ZAP70: variants seen among roughly 807,000 people sequenced by gnomAD.
The protein encoded by ZAP70 is zeta chain of T cell receptor associated protein kinase 70.
Under a neutral mutation model 65.8 loss-of-function variants are expected in ZAP70, and 27 were observed. The ratio of observed to expected loss-of-function variants is 0.41; its 90% CI spans 0.30 to 0.57. ZAP70 has a LOEUF of 0.57. ZAP70 is among the 20% of genes least tolerant of loss of function. The pLI is 0.28. For synonymous variants in ZAP70, 363 were observed against 360.8 expected, an observed-to-expected ratio of 1.01 and a Z score of -0.07; for missense variants, 696 against 870.5, an observed-to-expected ratio of 0.80 and a Z score of 2.52.
downstream of ZAP70, among the ~76,000 whole-genome samples, chr2:97,744,552 C>T (rs1186684680): frequency 3.2e-4 from 48 of 152,196 alleles, no homozygotes; most frequent in Admixed American, 3.1e-3. Context: ...TTAAATATTA[C>T]TTCCTTCCAT....
rs1022235755 is a variant in ZAP70 at position 97,734,563 on chromosome 2, C to T, written c.933C>T (p.Asp311=). 3 of 1,614,044 alleles carry T rather than the reference C, an allele frequency of 1.9e-6. No homozygotes were observed. The African/African-American group carries it at 4.0e-5, about 22-fold the overall frequency. Residue 311 remains aspartate, a synonymous_variant, in exon 9 of 14, where the codon GAC becomes GAT. Coordinates refer to ENST00000264972, the MANE Select transcript of ZAP70 (RefSeq NM_001079.4). ...ACAAACCGCGGCCGATGCCCATGGA[C>T]ACGAGCGTGTATGAGAGCCCCTACA... ...SPDKPRPMPM[D]TSVYESPYSD... is the part of the protein sequence containing the mutation.
chr2:97,752,466 C>CT, the ZAP70 span, among the ~76,000 whole-genome samples: 1 of 152,316 alleles, frequency 6.6e-6, no homozygotes, highest in East Asian at 1.9e-4. Flanking sequence ...TCCCCATTTT[C>CT]TTTTTTCAAA....
rs779755091 is a variant in ZAP70 at position 97,735,238 on chromosome 2, C to T, written c.1083-12C>T. The T allele has an allele frequency of 2.5e-6, 4 of 1,613,650 alleles. No individual in the cohort carries two copies. Among genetic ancestry groups the T allele is most frequent in the African/African-American group, 1.3e-5 (1 of 75,044 alleles). ...CCCTCGCCCACGTGCCTCCCGTGGC[C>T]GGGTCGGGCAGGAAGCAGATCGACG... is the stretch of plus-strand genomic sequence containing the variant. On this transcript the variant is annotated splice_polypyrimidine_tract_variant and intron_variant, in intron 9 of 13. Coordinates refer to ENST00000264972, the MANE Select transcript of ZAP70 (RefSeq NM_001079.4).
Position 97,737,333 on chromosome 2 carries a change from G to A in ZAP70, c.1290-140G>A, listed in dbSNP as rs1236911920. 7 of 843,234 alleles carry A rather than the reference G, an allele frequency of 8.3e-6. No homozygotes were observed. Among genetic ancestry groups the A allele is most frequent in the Non-Finnish European group, 1.4e-5 (7 of 514,096 alleles). The allele number at this position is 843,234 out of a possible 1,614,324, so 52.2% of individuals were successfully genotyped here. The stretch of plus-strand genomic sequence containing the variant: ...CTGCTGTGTCCCCAGCCCCACGCCT[G>A]GCACACAGCAGGTGCTCAATAAGCG... On this transcript the variant is annotated intron_variant, in intron 10 of 13. Coordinates refer to ENST00000264972, the MANE Select transcript of ZAP70 (RefSeq NM_001079.4). The surrounding 1 kb of genome is among the most constrained non-coding windows in gnomAD (Gnocchi z 5.0).
rs1678073400 is a variant in ZAP70, at chr2:97,739,773, A to T, written c.*275A>T. 1 of 502,780 alleles carries T rather than the reference A, an allele frequency of 2.0e-6. No individual in the cohort carries two copies. Among genetic ancestry groups the T allele is most frequent in the Admixed American group, 3.5e-5 (1 of 28,794 alleles). The allele number at this position is 502,780 out of a possible 1,614,324, so 31.1% of individuals were successfully genotyped here. A position where few individuals can be genotyped will look rare whatever the true frequency, so the allele number is the denominator to read the frequency against. On this transcript the variant is annotated 3_prime_UTR_variant, in exon 14 of 14. Coordinates refer to ENST00000264972, the MANE Select transcript of ZAP70 (RefSeq NM_001079.4). ...TGAGCTGAGGGCATTGCTTACACGG[A>T]TGCCTTCCCCTGGGCCCTGACATTG...
intron 2 of ZAP70, among the ~76,000 whole-genome samples, chr2:97,718,554 T>C (rs1169992492): frequency 6.6e-6 from 1 of 152,096 alleles, no homozygotes; most frequent in African/African-American, 2.4e-5. Context: ...ATTACCGTTG[T>C]CCTTGTGGGC....
chr2:97,724,981 TAGGGA>T (rs1298691395), intron 3 of ZAP70, 106 bp from the exon 4 acceptor site: 1 of 1,557,898 alleles, frequency 6.4e-7, no homozygotes, highest in African/African-American at 1.4e-5. Flanking sequence ...TAACACGCGC[TAGGGA>T]CGCCTGGGTG....
rs72951164 is a variant in ZAP70, at chr2:97,739,151, C to G, written c.1737-224C>G. Among the ~76,000 whole-genome samples, 3,585 of 152,300 alleles carry G rather than the reference C, an allele frequency of 0.024. 143 individuals carry two copies. Among genetic ancestry groups the G allele is most frequent in the African/African-American group, 0.082 (3,388 of 41,558 alleles). On this transcript the variant is annotated intron_variant, in intron 13 of 13. Coordinates refer to ENST00000264972, the MANE Select transcript of ZAP70 (RefSeq NM_001079.4). ...GCTCGGTAGAGGGGTCATCCCAGCACCCTGTGTGTGGGCAGCTCTGCCTCC... is the reference window on the plus strand; with the variant it reads ...GCTCGGTAGAGGGGTCATCCCAGCAGCCTGTGTGTGGGCAGCTCTGCCTCC...
intron 2 of ZAP70, 134 bp from the exon 3 acceptor site, chr2:97,723,882 A>T: frequency 1.0e-6 from 1 of 967,508 alleles, no homozygotes; most frequent in Non-Finnish European, 1.5e-6. Context: ...GGCACAGAGC[A>T]GGCTCTGCCC....
chr2:97,742,684 AG>A (rs1239373891), downstream of ZAP70, among the ~76,000 whole-genome samples: 2 of 152,226 alleles, frequency 1.3e-5, no homozygotes, highest in Admixed American at 6.5e-5. Context: ...AGCCCCAGGA[AG>A]GTATTTGTGG....
rs1174328696 is a variant in ZAP70, at chr2:97,737,006, G to A, written c.1290-467G>A. Among the ~76,000 whole-genome samples the A allele has an allele frequency of 2.0e-5, 3 of 152,122 alleles. No homozygotes were observed. Among genetic ancestry groups the A allele is most frequent in the Admixed American group, 1.3e-4 (2 of 15,274 alleles). ...GTGAGTGATGCTGCGGCTGCTTCCC[G>A]GTGGCAGAGGCAGAGATGAGGAGTG... is the stretch of plus-strand genomic sequence containing the variant. On this transcript the variant is annotated intron_variant, in intron 10 of 13. Coordinates refer to ENST00000264972, the MANE Select transcript of ZAP70 (RefSeq NM_001079.4). This position sits in a 1 kb window ranked among gnomAD's most constrained non-coding sequence, Gnocchi z 5.0.
chr2:97,748,619 G>C, the ZAP70 span, among the ~76,000 whole-genome samples: 6 of 152,152 alleles, frequency 3.9e-5, no homozygotes, highest in Non-Finnish European at 8.8e-5. Context: ...GGCTGCGTGA[G>C]GCCAGGTGCG....
downstream of ZAP70, among the ~76,000 whole-genome samples, chr2:97,743,692 A>AT (rs1399034467): frequency 1.3e-5 from 2 of 152,124 alleles, no homozygotes; most frequent in Non-Finnish European, 2.9e-5. Context: ...TTTTTAATAT[A>AT]TTTATTGCAA....
intron 4 of ZAP70, chr2:97,732,571 G>A (rs1040891993): frequency 8.3e-5 from 39 of 470,528 alleles, no homozygotes; most frequent in Non-Finnish European, 1.5e-4. Context: ...GTGGATGGGT[G>A]TCCCCTCCTC....
chr2:97,721,131 C>T (rs907457981), intron 2 of ZAP70, among the ~76,000 whole-genome samples: 1 of 152,148 alleles, frequency 6.6e-6, no homozygotes, highest in African/African-American at 2.4e-5. Context: ...TACAAATATG[C>T]AGAAAATAGA....
intron 4 of ZAP70, among the ~76,000 whole-genome samples, chr2:97,726,456 G>T (rs1677391674): frequency 6.6e-6 from 1 of 152,212 alleles, no homozygotes; most frequent in Non-Finnish European, 1.5e-5. Context: ...ACAATTCTTG[G>T]GCCTTCCTTC....
chr2:97,720,003 C>T (rs575232952), intron 2 of ZAP70, among the ~76,000 whole-genome samples: 4 of 152,268 alleles, frequency 2.6e-5, no homozygotes, highest in East Asian at 3.9e-4. Context: ...TGCGGAACTG[C>T]GTGTCTCCGT....
rs951845694 is a variant in ZAP70, at chr2:97,737,307, A to C, written c.1290-166A>C. Among the ~76,000 whole-genome samples the C allele has an allele frequency of 6.6e-6, 1 of 152,078 alleles. No homozygotes were observed. On this transcript the variant is annotated intron_variant, in intron 10 of 13. Coordinates refer to ENST00000264972, the MANE Select transcript of ZAP70 (RefSeq NM_001079.4). This position sits in a 1 kb window ranked among gnomAD's most constrained non-coding sequence, Gnocchi z 5.0. Reference sequence around the variant, plus strand: ...GGCAGGAGTTTTGCCTGTTTTGTTCACTGCTGTGTCCCCAGCCCCACGCCT... The same window carrying C: ...GGCAGGAGTTTTGCCTGTTTTGTTCCCTGCTGTGTCCCCAGCCCCACGCCT...
intron 2 of ZAP70, among the ~76,000 whole-genome samples, chr2:97,716,527 G>T (rs1373181275): frequency 6.6e-6 from 1 of 152,184 alleles, no homozygotes; most frequent in Non-Finnish European, 1.5e-5. Context: ...GGAGAGGGAG[G>T]TCAGGGAAGG....
Sources: allele counts gnomAD v4.1 joint callset (sites outside exome capture counted in the v4.1 genomes callset), GRCh38; gene constraint gnomAD v4.1.1; non-coding constraint Gnocchi (gnomAD v3.1); transcripts MANE v1.5; gene names NCBI Gene and HGNC (gene_info 2026-07-23, HGNC 2026-07-21).